POC1B: variants seen among roughly 807,000 people sequenced by gnomAD.
The protein encoded by POC1B is POC1 centriolar protein B.
In POC1B, 44 loss-of-function variants were observed where a neutral mutation model predicts 60.6. The observed-to-expected ratio is 0.73, with a 90% CI of 0.57 to 0.93. The LOEUF is 0.93. POC1B is among the 40% of genes least tolerant of loss of function. The pLI, the probability that POC1B is intolerant of heterozygous loss-of-function variation, is 0.00. For synonymous variants in POC1B, 180 were observed against 198.9 expected (o/e 0.90, Z 0.80); for missense variants, 555 against 572.3 (o/e 0.97, Z 0.31).
chr12:89,471,693 T>C lies in POC1B; in HGVS notation c.597A>G (p.Thr199=), dbSNP rs770668257. Residue 199 remains threonine, a synonymous_variant, in exon 6 of 12, where the codon ACA becomes ACG. Transcript: ENST00000313546. ...ANFVDFNPSG[T]CIASAGSDQT... ...GATCAGAACCTGCTGAAGCTATGCATGTACCACTAGGGTTAAAGTCCACAA... is the reference window on the plus strand; with the variant it reads ...GATCAGAACCTGCTGAAGCTATGCACGTACCACTAGGGTTAAAGTCCACAA... 1.9e-6 allele frequency: 3 copies of C among 1,610,478 alleles called. No homozygotes were observed. The highest frequency in any genetic ancestry group is 3.4e-5 in the Admixed American group (2 of 59,542).
At chr12:89,441,960 G>A (rs377118919) in intron 10 of POC1B, among the ~76,000 whole-genome samples, 4 of 152,198 alleles carry the variant, frequency 2.6e-5, no homozygotes, top group Non-Finnish European at 4.4e-5. Flanking sequence ...ACCATGTGAC[G>A]CACGCACAAG....
chr12:89,431,409 T>C (rs1881023573), intron 10 of POC1B, among the ~76,000 whole-genome samples: 1 of 151,726 alleles, frequency 6.6e-6, no homozygotes, highest in African/African-American at 2.4e-5. Context: ...TTTTTATTCC[T>C]GATGTTCTGA....
intron 3 of POC1B, among the ~76,000 whole-genome samples, chr12:89,496,025 T>C (rs1278100965): frequency 6.6e-6 from 1 of 152,160 alleles, no homozygotes; most frequent in African/African-American, 2.4e-5. Flanking sequence ...CCTCCCAAAG[T>C]GCTGTGATTA....
chr12:89,435,164 A>G (rs1247605449), intron 10 of POC1B, among the ~76,000 whole-genome samples: 1 of 149,060 alleles, frequency 6.7e-6, no homozygotes, highest in Admixed American at 6.8e-5. Context: ...AAAAATCTCC[A>G]GGAAGAATGA....
At chr12:89,525,717 T>A (rs1489567608) in intron 1 of POC1B, 164 bp downstream of exon 1, 4 of 1,252,970 alleles carry the variant, frequency 3.2e-6, no homozygotes, top group Non-Finnish European at 4.1e-6. Context: ...TCCGCCCCGA[T>A]GGCAGAGAGT....
At chr12:89,446,843 G>A (rs1881813620) in intron 10 of POC1B, among the ~76,000 whole-genome samples, 1 of 152,072 alleles carries the variant, frequency 6.6e-6, no homozygotes, top group Non-Finnish European at 1.5e-5. Context: ...CATAATGGAA[G>A]AGCTCAATTG....
At chr12:89,418,966 G>A (rs143492442), downstream of POC1B, among the ~76,000 whole-genome samples, 235 of 152,238 alleles carry the variant, frequency 1.5e-3, 1 homozygote, top group Middle Eastern at 3.4e-3. Flanking sequence ...GATCATGGTG[G>A]GAAATGAAGG....
rs1177507257 is a variant in POC1B at position 89,431,934 on chromosome 12, G to A, written c.1114-6555C>T. 3.9e-5 allele frequency among the ~76,000 whole-genome samples: 6 copies of A among 152,192 alleles called. No homozygotes were observed. The East Asian group carries it at 7.7e-4, about 20-fold the overall frequency. On this transcript the variant is annotated intron_variant, in intron 10 of 11. Coordinates refer to ENST00000313546, the MANE Select transcript of POC1B (RefSeq NM_172240.3). ...ATTCCTTGCCTTTCCAGCTTCTAGA[G>A]GCTGTCCACATTCCTTAGCCCATGG...
chr12:89,463,647 G>A (rs1347169021), intron 9 of POC1B, among the ~76,000 whole-genome samples: 3 of 152,172 alleles, frequency 2.0e-5, no homozygotes, highest in African/African-American at 4.8e-5. Context: ...TTAAGATGGA[G>A]TGCCTAGGCC....
At chr12:89,476,558 A>C (rs567115098) in intron 4 of POC1B, among the ~76,000 whole-genome samples, 29 of 152,152 alleles carry the variant, frequency 1.9e-4, no homozygotes, top group African/African-American at 6.5e-4. Context: ...AAATGCAAAA[A>C]TTAGCTGGGC....
At chr12:89,519,005 G>A (rs910750466) in intron 2 of POC1B, among the ~76,000 whole-genome samples, 1 of 152,186 alleles carries the variant, frequency 6.6e-6, no homozygotes, top group African/African-American at 2.4e-5. Flanking sequence ...TAAAGAGGAA[G>A]AGACAGGCCA....
At chr12:89,508,846 T>C (rs1157477211) in intron 2 of POC1B, among the ~76,000 whole-genome samples, 1 of 152,242 alleles carries the variant, frequency 6.6e-6, no homozygotes, top group East Asian at 1.9e-4. Context: ...TGAAGAAGGA[T>C]GTGTTTGTTT....
At chr12:89,472,364 A>T in intron 4 of POC1B, 89 bp from the exon 5 acceptor site, 1 of 813,500 alleles carries the variant, frequency 1.2e-6, no homozygotes, top group South Asian at 1.6e-5. Context: ...CCAGGCTGTA[A>T]ATATTAAATA....
At chr12:89,412,850 T>TCCCTC in the POC1B span, among the ~76,000 whole-genome samples, 1 of 105,116 alleles carries the variant, frequency 9.5e-6, no homozygotes, top group Non-Finnish European at 1.8e-5. Flanking sequence ...TTCCTTCCTT[T>TCCCTC]CCTTCCTCCC....
chr12:89,525,829 C>A, intron 1 of POC1B, 52 bp downstream of exon 1: 1 of 1,402,194 alleles, frequency 7.1e-7, no homozygotes, highest in Non-Finnish European at 9.3e-7. Flanking sequence ...GCCCCGCAGC[C>A]CGCGGGACAG....
chr12:89,506,684 T>C (rs1423401898), intron 2 of POC1B, among the ~76,000 whole-genome samples: 2 of 152,152 alleles, frequency 1.3e-5, no homozygotes, highest in African/African-American at 4.8e-5. Flanking sequence ...GTGAAGCTCT[T>C]ATAGGAAAAT....
chr12:89,483,388 T>C (rs955885699), intron 4 of POC1B, among the ~76,000 whole-genome samples: 1 of 152,190 alleles, frequency 6.6e-6, no homozygotes, highest in Admixed American at 6.5e-5. Context: ...CTCTCCTTTA[T>C]AAATTACCCA....
chr12:89,502,927 T>C (rs376942326), intron 2 of POC1B, among the ~76,000 whole-genome samples: 149 of 152,236 alleles, frequency 9.8e-4, no homozygotes, highest in African/African-American at 3.4e-3. Flanking sequence ...TTCTTTTTAC[T>C]CAGATAAAAA....
At chr12:89,436,047 C>T (rs1485478777) in intron 10 of POC1B, among the ~76,000 whole-genome samples, 2 of 151,486 alleles carry the variant, frequency 1.3e-5, no homozygotes, top group African/African-American at 2.4e-5. Context: ...CAGGTTCAAG[C>T]GATTCTCTTG....
Sources: allele counts gnomAD v4.1 joint callset (sites outside exome capture counted in the v4.1 genomes callset), GRCh38; gene constraint gnomAD v4.1.1; transcripts MANE v1.5; gene names NCBI Gene and HGNC (gene_info 2026-07-23, HGNC 2026-07-21).